UTP6: variants seen among roughly 807,000 people sequenced by gnomAD.
The protein encoded by UTP6 is UTP6 small subunit processome component.
A neutral mutation model predicts 96.5 loss-of-function variants in UTP6; 60 were observed. The ratio of observed to expected loss-of-function variants is 0.62; its 90% confidence interval spans 0.51 to 0.77. The LOEUF (loss-of-function observed/expected upper bound fraction) is 0.77, where lower values mean the gene tolerates loss of function less well. UTP6 is among the 30% of genes least tolerant of loss of function. The probability of loss-of-function intolerance (pLI) is 0.00; values close to 1 mark genes in which losing one functional copy is unlikely to be tolerated. For synonymous variants in UTP6, 215 were observed against 240.1 expected (o/e 0.90, Z 0.96); for missense variants, 637 against 706.5 (o/e 0.90, Z 1.12).
intron 16 of UTP6, among the ~76,000 whole-genome samples, chr17:31,870,364 G>C (rs571313172): frequency 6.6e-6 from 1 of 152,198 alleles, no homozygotes; most frequent in East Asian, 1.9e-4. Flanking sequence ...ATTCTGACTA[G>C]TGAGATGGTA....
At chr17:31,884,564 A>G in intron 9 of UTP6, 59 bp from the exon 10 acceptor site, 1 of 1,323,978 alleles carries the variant, frequency 7.6e-7, no homozygotes, top group Non-Finnish European at 1.1e-6. Context: ...CTTTACTTTA[A>G]AAGTAGCATT....
intron 9 of UTP6, 128 bp downstream of exon 9, chr17:31,885,852 A>C (rs1166210118): frequency 2.7e-6 from 2 of 739,602 alleles, no homozygotes; most frequent in Non-Finnish European, 4.4e-6. Context: ...TTTCTGAAAG[A>C]AACAGGACAC....
intron 16 of UTP6, among the ~76,000 whole-genome samples, chr17:31,871,629 C>CATGCCTGTA (rs1392372111): frequency 5.3e-5 from 8 of 152,106 alleles, no homozygotes; most frequent in African/African-American, 1.7e-4. Flanking sequence ...CATGGTAGCT[C>CATGCCTGTA]ATGCCTGTAA....
rs573616446 is a variant in UTP6 at position 31,871,304 on chromosome 17, A to G, written c.1496+2074T>C. Among the ~76,000 whole-genome samples the G allele has an allele frequency of 7.9e-5, 12 of 151,974 alleles. No homozygotes were observed. The South Asian group carries it at 2.5e-3, about 31-fold the overall frequency. ...ACCGCACCCGGCCTTTTAACTTTTC[A>G]TAGAAATGAAGTCTCGTTGTGTTGC... is the stretch of plus-strand genomic sequence containing the variant. On this transcript the variant is annotated intron_variant, in intron 16 of 18. Transcript: ENST00000261708.
chr17:31,893,030 G>C (rs1435971920), intron 4 of UTP6, among the ~76,000 whole-genome samples: 1 of 151,962 alleles, frequency 6.6e-6, no homozygotes, highest in African/African-American at 2.4e-5. Flanking sequence ...AAGATTATTG[G>C]GAGGCCAAGG....
intron 6 of UTP6, among the ~76,000 whole-genome samples, chr17:31,889,750 G>A (rs576168915): frequency 7.2e-5 from 11 of 151,764 alleles, no homozygotes; most frequent in African/African-American, 1.9e-4. Flanking sequence ...CGCCCGCCTC[G>A]GCCTCCCAAA....
intron 2 of UTP6, among the ~76,000 whole-genome samples, chr17:31,897,324 A>T (rs1467077088): frequency 1.3e-5 from 2 of 151,900 alleles, no homozygotes; most frequent in Non-Finnish European, 2.9e-5. Context: ...GTCTTGGCTC[A>T]TTTTGAGTGA....
intron 16 of UTP6, among the ~76,000 whole-genome samples, chr17:31,872,988 T>C (rs540613189): frequency 6.6e-6 from 1 of 151,960 alleles, no homozygotes; most frequent in Non-Finnish European, 1.5e-5. Flanking sequence ...TGGTGCCTCA[T>C]GCCTGTAATC....
At position 31,862,528 on chromosome 17, in the gene UTP6, G is replaced by A. The variant is rs534654119; in HGVS notation, c.*831C>T. 8 of 151,326 alleles carry A rather than the reference G, an allele frequency of 5.3e-5. No individual in the cohort carries two copies. The South Asian group carries it at 1.3e-3, about 24-fold the overall frequency. 9.4% of individuals were successfully genotyped at this position (151,326 alleles called of 1,614,324 possible). On this transcript the variant is annotated 3_prime_UTR_variant, in exon 19 of 19. Transcript: ENST00000261708. Reference sequence around the variant, plus strand: ...ATTTTCCAGAACAAATGCATACCACGTATCTTTTATAATGAGAATAAACCA... The same window carrying A: ...ATTTTCCAGAACAAATGCATACCACATATCTTTTATAATGAGAATAAACCA...
intron 18 of UTP6, among the ~76,000 whole-genome samples, chr17:31,864,283 AG>A (rs1909694970): frequency 6.6e-6 from 1 of 152,120 alleles, no homozygotes; most frequent in African/African-American, 2.4e-5. Context: ...GCTACTTGGG[AG>A]GCTGAGGCAC....
At chr17:31,893,918 A>G (rs185011415) in intron 4 of UTP6, among the ~76,000 whole-genome samples, 46 of 152,142 alleles carry the variant, frequency 3.0e-4, no homozygotes, top group African/African-American at 1.1e-3. Context: ...TGCAGTTCTT[A>G]AAGAATCTCA....
At chr17:31,874,521 G>A (rs1162965783) in intron 14 of UTP6, among the ~76,000 whole-genome samples, 3 of 151,030 alleles carry the variant, frequency 2.0e-5, no homozygotes, top group African/African-American at 7.3e-5. Flanking sequence ...ACTCCAGCCT[G>A]GGCAACAGAA....
chr17:31,900,196 T>G (rs946463204), intron 1 of UTP6, among the ~76,000 whole-genome samples: 1 of 152,204 alleles, frequency 6.6e-6, no homozygotes, highest in Non-Finnish European at 1.5e-5. Context: ...AAGGGTTCAT[T>G]TTTAAACTTT....
intron 11 of UTP6, among the ~76,000 whole-genome samples, chr17:31,879,430 G>A (rs1432046864): frequency 6.6e-6 from 1 of 151,714 alleles, no homozygotes; most frequent in African/African-American, 2.4e-5. Context: ...AGCAAGTTGG[G>A]AGGCCGAGGC....
chr17:31,900,403 T>C (rs1904904122), intron 1 of UTP6, among the ~76,000 whole-genome samples: 2 of 151,980 alleles, frequency 1.3e-5, no homozygotes, highest in African/African-American at 4.8e-5. Context: ...GCGATTCTCC[T>C]GCCTCAGACT....
At chr17:31,871,744 T>C (rs995318834) in intron 16 of UTP6, among the ~76,000 whole-genome samples, 2 of 151,518 alleles carry the variant, frequency 1.3e-5, no homozygotes, top group Admixed American at 1.3e-4. Flanking sequence ...AAATAAAAAA[T>C]TACCTGGGTG....
intron 15 of UTP6, 45 bp from the exon 16 acceptor site, chr17:31,873,532 A>C (rs763415708): frequency 9.3e-6 from 15 of 1,607,874 alleles, no homozygotes; most frequent in Non-Finnish European, 1.2e-5. Flanking sequence ...GAGAAAACTT[A>C]TAGATACCAA....
intron 4 of UTP6, among the ~76,000 whole-genome samples, chr17:31,893,187 C>T (rs574896346): frequency 2.0e-5 from 3 of 152,068 alleles, no homozygotes; most frequent in Non-Finnish European, 4.4e-5. Flanking sequence ...ACAGGAGAAT[C>T]GCTTGAAGCC....
Position 31,894,720 on chromosome 17 carries a change from A to C in UTP6, c.237T>G (p.Phe79Leu). The C allele has an allele frequency of 6.2e-7, 1 of 1,610,904 alleles. No homozygotes were observed. The highest frequency in any genetic ancestry group is 8.5e-7 in the Non-Finnish European group (1 of 1,178,266). Reference sequence around the variant, plus strand: ...TAGAATTCTCAATCTCATCCTTCTTAAATGAATATCCAATGCGCTAAAGGG... The same window carrying C: ...TAGAATTCTCAATCTCATCCTTCTTCAATGAATATCCAATGCGCTAAAGGG... Reference protein sequence around the residue: ...QRRRTRIGYSFKKDEIENSIV... With the variant: ...QRRRTRIGYSLKKDEIENSIV... The change falls in exon 4 of 19, where the codon TTT becomes TTG. Residue 79 changes from phenylalanine to leucine, a missense_variant. Coordinates refer to ENST00000261708, the MANE Select transcript of UTP6 (RefSeq NM_018428.3).
Sources: allele counts gnomAD v4.1 joint callset (sites outside exome capture counted in the v4.1 genomes callset), GRCh38; gene constraint gnomAD v4.1.1; transcripts MANE v1.5; gene names NCBI Gene and HGNC (gene_info 2026-07-23, HGNC 2026-07-21).